ESCO2: variants seen among roughly 807,000 people sequenced by gnomAD.
ESCO2 encodes the protein N-acetyltransferase ESCO2.
Under a neutral mutation model 61.7 loss-of-function variants are expected in ESCO2, and 51 were observed. That is an observed-to-expected ratio of 0.83 (90% CI 0.66 to 1.04). The LOEUF (loss-of-function observed/expected upper bound fraction) is 1.04, where lower values mean the gene tolerates loss of function less well. Among genes scored for constraint, ESCO2 ranks in the 50% least tolerant of loss-of-function variants. The pLI is 0.00. For missense variants in ESCO2, 692 were observed against 686.2 expected, an observed-to-expected ratio of 1.01 and a Z score of -0.09; for synonymous variants, 230 against 238.2, an observed-to-expected ratio of 0.97 and a Z score of 0.32.
At position 27,804,544 on chromosome 8, in the gene ESCO2, T is replaced by C. The variant is rs1805521081; in HGVS notation, c.*1106T>C. Reference sequence around the variant, plus strand: ...CTTAAATGTTCACACATTTTTCTAGTGTAATTCTTGGATACTTTAAAAAGC... The same window carrying C: ...CTTAAATGTTCACACATTTTTCTAGCGTAATTCTTGGATACTTTAAAAAGC... On this transcript the variant is annotated 3_prime_UTR_variant, in exon 11 of 11. Coordinates refer to ENST00000305188, the MANE Select transcript of ESCO2 (RefSeq NM_001017420.3). 3 of 985,312 alleles carry C rather than the reference T, an allele frequency of 3.0e-6. No homozygotes were observed. The highest frequency in any genetic ancestry group is 3.6e-6 in the Non-Finnish European group (3 of 829,926). The allele number at this position is 985,312 out of a possible 1,614,324, so 61.0% of individuals were successfully genotyped here.
chr8:27,793,594 C>T (rs1805229302), intron 9 of ESCO2, among the ~76,000 whole-genome samples: 1 of 150,788 alleles, frequency 6.6e-6, no homozygotes, highest in Admixed American at 6.6e-5. Context: ...TCAGGCAATT[C>T]TCCTGCCTCA....
At chr8:27,810,286 A>G, downstream of ESCO2, 1 of 1,555,014 alleles carries the variant, frequency 6.4e-7, no homozygotes, top group East Asian at 2.2e-5. Flanking sequence ...CGCAAGCCAC[A>G]CTTCAGCTGA....
At chr8:27,789,085 G>A in intron 7 of ESCO2, 107 bp downstream of exon 7, 1 of 1,372,042 alleles carries the variant, frequency 7.3e-7, no homozygotes, top group Non-Finnish European at 1.0e-6. Flanking sequence ...TTTTAATGAT[G>A]ATGTTTCAAG....
chr8:27,797,483 GTTGAGTC>G (rs1391859539), intron 9 of ESCO2, among the ~76,000 whole-genome samples: 2 of 149,698 alleles, frequency 1.3e-5, no homozygotes, highest in East Asian at 2.1e-4. Context: ...GCAATATTTA[GTTGAGTC>G]TTGTGTTTTT....
chr8:27,804,128 C>T lies in ESCO2; in HGVS notation c.*690C>T. 3 of 985,192 alleles carry T rather than the reference C, an allele frequency of 3.0e-6. No homozygotes were observed. Among genetic ancestry groups the T allele is most frequent in the Non-Finnish European group, 3.6e-6 (3 of 829,790 alleles). The allele number at this position is 985,192 out of a possible 1,614,324, so 61.0% of individuals were successfully genotyped here. Reference sequence around the variant, plus strand: ...GAAAATGTTTAGAATTTATTTGTAACAAGATGGTAAGGAATAAGATTATCC... The same window carrying T: ...GAAAATGTTTAGAATTTATTTGTAATAAGATGGTAAGGAATAAGATTATCC... On this transcript the variant is annotated 3_prime_UTR_variant, in exon 11 of 11. Transcript: ENST00000305188.
At chr8:27,785,522 G>T (rs76424723) in intron 5 of ESCO2, among the ~76,000 whole-genome samples, 23,377 of 151,884 alleles carry the variant, frequency 0.15, 2,250 homozygotes, top group East Asian at 0.36. Flanking sequence ...GCCAACATGG[G>T]GAAACCGTCT....
Position 27,803,549 on chromosome 8 carries a change from T to TAGACAC in ESCO2, c.*112_*113insGACACA. ...TAAAAAATACCGAGACTCACACTCA[T>TAGACAC]ACACACACACACACACACGCACACA... On this transcript the variant is annotated 3_prime_UTR_variant, in exon 11 of 11. Transcript: ENST00000305188. 3 of 1,323,224 alleles carry TAGACAC rather than the reference T, an allele frequency of 2.3e-6. No homozygotes were observed. The highest frequency in any genetic ancestry group is 3.0e-6 in the Non-Finnish European group (3 of 1,005,832). The allele number at this position is 1,323,224 out of a possible 1,614,324, so 82.0% of individuals were successfully genotyped here. A position where few individuals can be genotyped will look rare whatever the true frequency, so the allele number is the denominator to read the frequency against.
rs1313545055 is a variant in ESCO2, at chr8:27,797,792, TTA to T, written c.1498-1745_1498-1744del. Reference sequence around the variant, plus strand: ...CAGCCTATTTTAAGCTGATAACAATTTATATCACCTACAAAAGCTCTGCACTT... The same window carrying T: ...CAGCCTATTTTAAGCTGATAACAATTTATCACCTACAAAAGCTCTGCACTT... On this transcript the variant is annotated intron_variant, in intron 9 of 10. Transcript: ENST00000305188. 2.6e-5 allele frequency among the ~76,000 whole-genome samples: 4 copies of T among 152,222 alleles called. 1 individual carries two copies. In the South Asian group the frequency reaches 8.3e-4, roughly 31 times the overall value.
chr8:27,772,648 G>T, upstream of ESCO2: 1 of 1,093,806 alleles, frequency 9.1e-7, no homozygotes, highest in Non-Finnish European at 1.3e-6. Flanking sequence ...ACTCCTCCGT[G>T]CACTTCCGGC....
downstream of ESCO2, among the ~76,000 whole-genome samples, chr8:27,813,541 A>G (rs1805743754): frequency 1.3e-5 from 2 of 152,154 alleles, no homozygotes; most frequent in Admixed American, 6.5e-5. Context: ...AAGGTATACA[A>G]CTTGATGTTT....
rs553668388 is a variant in ESCO2, at chr8:27,803,648, A to G, written c.*210A>G. ...TTGTTGAAAATTATCTGGGGATTCAAAGGAAAAATCTTTGGGTGATTCCCT... is the reference window on the plus strand; with the variant it reads ...TTGTTGAAAATTATCTGGGGATTCAGAGGAAAAATCTTTGGGTGATTCCCT... On this transcript the variant is annotated 3_prime_UTR_variant, in exon 11 of 11. Coordinates refer to ENST00000305188, the MANE Select transcript of ESCO2 (RefSeq NM_001017420.3). 3.4e-5 allele frequency: 46 copies of G among 1,348,050 alleles called. No individual in the cohort carries two copies. The South Asian group carries it at 6.3e-4, about 19-fold the overall frequency. The allele number at this position is 1,348,050 out of a possible 1,614,324, so 83.5% of individuals were successfully genotyped here.
downstream of ESCO2, among the ~76,000 whole-genome samples, chr8:27,815,845 A>G (rs1162053475): frequency 6.6e-6 from 1 of 152,212 alleles, no homozygotes; most frequent in African/African-American, 2.4e-5. Flanking sequence ...GCCCCCTGCC[A>G]CCTATGTTAG....
At position 27,792,784 on chromosome 8, in the gene ESCO2, G is replaced by A. The variant is rs554005632; in HGVS notation, c.1470G>A (p.Gly490=). ...TATCTGATGAAAAGAGAGTAGTTGG[G>A]TGTTTAATTGCAGAACCCATCAAAC... The part of the protein sequence containing the change: ...LFISDEKRVV[G]CLIAEPIKQA... The change falls in exon 9 of 11, where the codon GGG becomes GGA. Residue 490 remains glycine, a synonymous_variant. Transcript: ENST00000305188. 5.6e-6 allele frequency: 9 copies of A among 1,606,224 alleles called. 1 individual carries two copies. Among genetic ancestry groups the A allele is most frequent in the East Asian group, 4.5e-5 (2 of 44,672 alleles).
downstream of ESCO2, chr8:27,810,642 C>T (rs1805659122): frequency 3.3e-6 from 2 of 611,286 alleles, no homozygotes; most frequent in Non-Finnish European, 2.9e-6. Flanking sequence ...GAAATGTCTT[C>T]AATTGTCCTG....
In ESCO2 at chr8:27,776,823, A is replaced by G. The variant is rs201521463; in HGVS notation, c.515A>G (p.Tyr172Cys). The G allele has an allele frequency of 2.3e-5, 37 of 1,614,204 alleles. No individual in the cohort carries two copies. The highest frequency in any genetic ancestry group is 3.0e-5 in the Non-Finnish European group (35 of 1,180,026). Residue 172 changes from tyrosine to cysteine, a missense_variant, in exon 3 of 11, where the codon TAT becomes TGT. By Grantham distance (194) the Tyr-to-Cys change is radical (BLOSUM62 -2). Coordinates refer to ENST00000305188, the MANE Select transcript of ESCO2 (RefSeq NM_001017420.3). ...SRNSKQNRVIYKPIVEKENNC... is the reference protein window; with the variant it reads ...SRNSKQNRVICKPIVEKENNC... ...AATTCCAAGCAAAATCGAGTGATCT[A>G]TAAGCCAATTGTGGAGAAGGAAAAT...
At position 27,804,011 on chromosome 8, in the gene ESCO2, A is replaced by G. The variant is rs779060596; in HGVS notation, c.*573A>G. 3.1e-5 allele frequency: 31 copies of G among 986,830 alleles called. No homozygotes were observed. Among genetic ancestry groups the G allele is most frequent in the Non-Finnish European group, 3.7e-5 (31 of 831,322 alleles). The allele number at this position is 986,830 out of a possible 1,614,324, so 61.1% of individuals were successfully genotyped here. A position where few individuals can be genotyped will look rare whatever the true frequency, so the allele number is the denominator to read the frequency against. The stretch of plus-strand genomic sequence containing the variant: ...CCAAAACGCTGGGATTACAGTCATG[A>G]GCCACCGTGCCCAGCCTAATTCCTG... On this transcript the variant is annotated 3_prime_UTR_variant, in exon 11 of 11. Coordinates refer to ENST00000305188, the MANE Select transcript of ESCO2 (RefSeq NM_001017420.3).
At chr8:27,785,482 A>T (rs1321444092) in intron 5 of ESCO2, among the ~76,000 whole-genome samples, 4 of 152,144 alleles carry the variant, frequency 2.6e-5, no homozygotes, top group Non-Finnish European at 5.9e-5. Flanking sequence ...TGGGTGGATC[A>T]CCTGAGGTCT....
At chr8:27,818,637 A>G in the ESCO2 span, among the ~76,000 whole-genome samples, 2 of 151,678 alleles carry the variant, frequency 1.3e-5, no homozygotes, top group African/African-American at 2.4e-5. Context: ...TTGATTACTA[A>G]TAACTCTTAA....
Position 27,803,574 on chromosome 8 carries a change from A to ACACACACACACACT in ESCO2, c.*140_*141insCACACACACTCACA. ...TACACACACACACACACACGCACAC[A>ACACACACACACACT]CACATATCACAGTTTTGTTCCTTAT... On this transcript the variant is annotated 3_prime_UTR_variant, in exon 11 of 11. Coordinates refer to ENST00000305188, the MANE Select transcript of ESCO2 (RefSeq NM_001017420.3). The ACACACACACACACT allele has an allele frequency of 6.9e-7, 1 of 1,449,820 alleles. No individual in the cohort carries two copies. The highest frequency in any genetic ancestry group is 9.0e-7 in the Non-Finnish European group (1 of 1,110,016). 89.8% of individuals were successfully genotyped at this position (1,449,820 alleles called of 1,614,324 possible). A position where few individuals can be genotyped will look rare whatever the true frequency, so the allele number is the denominator to read the frequency against.
Sources: gnomAD v4.1 joint callset for allele counts (sites outside exome capture counted in the v4.1 genomes callset) on GRCh38, gnomAD v4.1.1 for gene constraint, MANE v1.5 for transcripts, NCBI Gene and HGNC (gene_info 2026-07-23, HGNC 2026-07-21) for gene names.